Variants in ARFGEF1 observed in about 807,000 individuals in gnomAD.
ARFGEF1 encodes ARF guanine nucleotide exchange factor 1.
A neutral mutation model predicts 231.0 loss-of-function variants in ARFGEF1; 42 were observed. The ratio of observed to expected loss-of-function variants is 0.18; its 90% confidence interval spans 0.14 to 0.24. ARFGEF1 has a LOEUF of 0.24. ARFGEF1 is among the 10% of genes least tolerant of loss of function. The probability of loss-of-function intolerance (pLI) is 1.00; values close to 1 mark genes in which losing one functional copy is unlikely to be tolerated. For missense variants in ARFGEF1, 1,345 were observed against 2,192.0 expected (o/e 0.61, Z 7.72); for synonymous variants, 710 against 732.3 (o/e 0.97, Z 0.49).
intron 1 of ARFGEF1, among the ~76,000 whole-genome samples, chr8:67,313,576 A>G (rs958893330): frequency 6.6e-6 from 1 of 152,166 alleles, no homozygotes; most frequent in Non-Finnish European, 1.5e-5. Context: ...CCACCCAGCG[A>G]GTCTACCCAG....
In ARFGEF1 at chr8:67,198,375, A is replaced by AT. The variant is rs1291205126; in HGVS notation, c.*558dup. 1.0e-6 allele frequency: 1 copy of AT among 985,088 alleles called. No homozygotes were observed. The highest frequency in any genetic ancestry group is 1.7e-5 in the African/African-American group (1 of 57,242). The allele number at this position is 985,088 out of a possible 1,614,324, so 61.0% of individuals were successfully genotyped here. ...AGGAAGAACTATATAATGTTTTAAG[A>AT]TTTTTATATTACAGACCTGCATCTC... On this transcript the variant is annotated 3_prime_UTR_variant, in exon 39 of 39. Transcript: ENST00000262215.
chr8:67,321,973 T>G (rs1807619019), intron 1 of ARFGEF1, among the ~76,000 whole-genome samples: 1 of 152,196 alleles, frequency 6.6e-6, no homozygotes, highest in Non-Finnish European at 1.5e-5. Flanking sequence ...CTCATCTCTC[T>G]GCATGCCCTT....
chr8:67,296,203 C>T (rs1331965487), intron 5 of ARFGEF1, among the ~76,000 whole-genome samples: 3 of 152,164 alleles, frequency 2.0e-5, no homozygotes, highest in Non-Finnish European at 4.4e-5. Flanking sequence ...CAGCATATTT[C>T]ACATACTATT....
At chr8:67,309,280 A>C (rs1806885786) in intron 1 of ARFGEF1, among the ~76,000 whole-genome samples, 1 of 152,226 alleles carries the variant, frequency 6.6e-6, no homozygotes, top group Non-Finnish European at 1.5e-5. Context: ...TGGGGAAAAG[A>C]GAGATAGCGA....
At chr8:67,221,076 C>T (rs1249998787) in intron 29 of ARFGEF1, among the ~76,000 whole-genome samples, 1 of 152,110 alleles carries the variant, frequency 6.6e-6, no homozygotes, top group African/African-American at 2.4e-5. Flanking sequence ...GAGGCTTTCA[C>T]TGATTGTAGG....
chr8:67,290,176 C>A (rs2128908736), intron 6 of ARFGEF1, among the ~76,000 whole-genome samples: 1 of 152,334 alleles, frequency 6.6e-6, no homozygotes, highest in Middle Eastern at 3.4e-3. Context: ...AAATAATCAT[C>A]ACAATCCCAC....
At chr8:67,315,676 G>GA in intron 1 of ARFGEF1, among the ~76,000 whole-genome samples, 1 of 152,078 alleles carries the variant, frequency 6.6e-6, no homozygotes. Flanking sequence ...GAATCATGGA[G>GA]AAAAACTAAT....
intron 34 of ARFGEF1, among the ~76,000 whole-genome samples, chr8:67,210,154 CAAAAAAAAAA>C (rs59530693): frequency 1.9e-5 from 1 of 53,876 alleles, no homozygotes; most frequent in Admixed American, 2.2e-4. Flanking sequence ...GACTCCGTCT[CAAAAAAAAAA>C]AAAAAAAAAA....
At position 67,181,399 on chromosome 8, in the gene ARFGEF1, G is replaced by A. The variant is rs1833006843; in HGVS notation, c.561-5827C>T. ...CTTTCCAAGGAAGATGCACTGCGGA[G>A]AGAAGGAAAGATAAAACCAGCAGGA... is the stretch of plus-strand genomic sequence containing the variant. On this transcript the variant is annotated intron_variant, in intron 5 of 5. Transcript: ENST00000518789. 2.0e-5 allele frequency among the ~76,000 whole-genome samples: 3 copies of A among 148,706 alleles called. No homozygotes were observed. In the Admixed American group the frequency reaches 2.0e-4, roughly 10 times the overall value.
chr8:67,281,589 T>C (rs192841301), intron 7 of ARFGEF1, among the ~76,000 whole-genome samples: 122 of 152,010 alleles, frequency 8.0e-4, no homozygotes, highest in Middle Eastern at 6.8e-3. Context: ...CTGGAGCTTC[T>C]AGCCAATGTA....
chr8:67,311,311 G>C (rs1392119669), intron 1 of ARFGEF1, among the ~76,000 whole-genome samples: 2 of 119,048 alleles, frequency 1.7e-5, no homozygotes, highest in Non-Finnish European at 3.5e-5. Flanking sequence ...CCCCCGCCCG[G>C]CCAGCTGCCC....
chr8:67,233,119 C>G (rs767160639), intron 22 of ARFGEF1, among the ~76,000 whole-genome samples, 174 bp from the exon 23 acceptor site: 23 of 151,952 alleles, frequency 1.5e-4, no homozygotes, highest in Non-Finnish European at 2.8e-4. Context: ...TGCAAATGAA[C>G]TTTACTAAGT....
At chr8:67,183,938 C>T (rs1263259893) in intron 5 of ARFGEF1, among the ~76,000 whole-genome samples, 6 of 150,394 alleles carry the variant, frequency 4.0e-5, no homozygotes, top group Admixed American at 2.7e-4. Flanking sequence ...CTGCAACCTC[C>T]GCCTCCCGGG....
rs144447536 is a variant in ARFGEF1, at chr8:67,303,549, A to G, written c.125-1083T>C. ...AACGTGGTGAAACATCGTCTCTACT[A>G]AAAACACAAAAATTAGCCAGGCGTG... is the stretch of plus-strand genomic sequence containing the variant. On this transcript the variant is annotated intron_variant, in intron 1 of 38. Transcript: ENST00000262215. Among the ~76,000 whole-genome samples the G allele has an allele frequency of 1.2e-3, 181 of 152,110 alleles. 3 individuals carry two copies. Among genetic ancestry groups the G allele is most frequent in the Admixed American group, 9.0e-3 (138 of 15,276 alleles).
At chr8:67,329,563 A>AATAC in intron 1 of ARFGEF1, among the ~76,000 whole-genome samples, 1 of 150,002 alleles carries the variant, frequency 6.7e-6, no homozygotes, top group African/African-American at 2.4e-5. Context: ...TAAATAAATA[A>AATAC]ATAAATAAAT....
chr8:67,179,114 G>A (rs1285876443), intron 5 of ARFGEF1, among the ~76,000 whole-genome samples: 1 of 152,180 alleles, frequency 6.6e-6, no homozygotes, highest in African/African-American at 2.4e-5. Flanking sequence ...GTAAGAAGGT[G>A]CAGGGAGGTG....
chr8:67,178,413 C>T (rs904889777), intron 5 of ARFGEF1, among the ~76,000 whole-genome samples: 2 of 152,170 alleles, frequency 1.3e-5, no homozygotes, highest in African/African-American at 4.8e-5. Context: ...GGACAAGAAA[C>T]TGTTCTAGGT....
intron 14 of ARFGEF1, among the ~76,000 whole-genome samples, chr8:67,262,535 T>C (rs1804678849): frequency 1.3e-5 from 2 of 152,212 alleles, no homozygotes; most frequent in Admixed American, 1.3e-4. Flanking sequence ...AGACTCCAAT[T>C]TTGAAAGACA....
downstream of ARFGEF1, among the ~76,000 whole-genome samples, chr8:67,197,215 T>C (rs981059420): frequency 1.3e-5 from 2 of 152,058 alleles, no homozygotes; most frequent in Non-Finnish European, 2.9e-5. Context: ...TGAGGCTGAG[T>C]TGGGAGGATC....
Sources: allele counts gnomAD v4.1 joint callset (sites outside exome capture counted in the v4.1 genomes callset), GRCh38; gene constraint gnomAD v4.1.1; transcripts MANE v1.5; gene names NCBI Gene and HGNC (gene_info 2026-07-23, HGNC 2026-07-21).